MOXD1: variants seen among roughly 807,000 people sequenced by gnomAD.
The protein encoded by MOXD1 is DBH-like monooxygenase protein 1.
A neutral mutation model predicts 66.6 loss-of-function variants in MOXD1; 62 were observed. The observed-to-expected ratio is 0.93, with a 90% confidence interval of 0.76 to 1.15. The LOEUF is 1.15. MOXD1 is among the 50% of genes most tolerant of loss of function. MOXD1 has a pLI of 0.00. For missense variants in MOXD1, 847 were observed against 754.6 expected (o/e 1.12, Z -1.44); for synonymous variants, 303 against 281.9 (o/e 1.07, Z -0.75).
At chr6:132,302,933 C>A (rs550218625) in intron 10 of MOXD1, among the ~76,000 whole-genome samples, 1 of 152,126 alleles carries the variant, frequency 6.6e-6, no homozygotes, top group Non-Finnish European at 1.5e-5. Flanking sequence ...CAAAGTAATT[C>A]AATAGTAAAA....
intron 4 of MOXD1, among the ~76,000 whole-genome samples, chr6:132,342,990 A>G (rs1026302761): frequency 2.6e-5 from 4 of 152,242 alleles, no homozygotes; most frequent in African/African-American, 4.8e-5. Flanking sequence ...ACATAACTCC[A>G]CATCACAGAA....
At chr6:132,393,043 A>G (rs1776799777) in intron 1 of MOXD1, among the ~76,000 whole-genome samples, 1 of 152,212 alleles carries the variant, frequency 6.6e-6, no homozygotes. Context: ...CTACTGAAAA[A>G]TATATGGTTG....
intron 4 of MOXD1, among the ~76,000 whole-genome samples, chr6:132,340,938 G>A (rs992533799): frequency 7.9e-5 from 12 of 152,082 alleles, no homozygotes. Flanking sequence ...GAGCCACTGC[G>A]CCCGGCAAGA....
rs551939756 is a variant in MOXD1 at position 132,389,095 on chromosome 6, G to A, written c.264+12068C>T. On this transcript the variant is annotated intron_variant, in intron 1 of 11. Transcript: ENST00000367963. ...GCTCTGTTGCCCAGGCTGGAGTGCA[G>A]TGGTGCAATCATAGCTCACTACAGC... Among the ~76,000 whole-genome samples, 107 of 151,264 alleles carry A rather than the reference G, an allele frequency of 7.1e-4. 2 individuals carry two copies. The highest frequency in any genetic ancestry group is 1.3e-3 in the Non-Finnish European group (89 of 67,606).
At chr6:132,316,769 T>TTCTA (rs1424519004) in intron 9 of MOXD1, among the ~76,000 whole-genome samples, 2 of 152,124 alleles carry the variant, frequency 1.3e-5, no homozygotes, top group African/African-American at 4.8e-5. Context: ...ACATTAAATG[T>TTCTA]TCTAGCATTT....
At chr6:132,381,634 T>C (rs529907850) in intron 1 of MOXD1, among the ~76,000 whole-genome samples, 1 of 152,272 alleles carries the variant, frequency 6.6e-6, no homozygotes, top group South Asian at 2.1e-4. Context: ...AAAAAAGTGT[T>C]AAATGAATTT....
intron 4 of MOXD1, among the ~76,000 whole-genome samples, chr6:132,364,816 G>A (rs74467241): frequency 0.068 from 10,298 of 152,092 alleles, 715 homozygotes; most frequent in African/African-American, 0.18. Context: ...AGGCAAATAC[G>A]GTTATCAGCC....
intron 10 of MOXD1, among the ~76,000 whole-genome samples, chr6:132,302,498 CA>C (rs767619886): frequency 2.6e-5 from 4 of 151,686 alleles, no homozygotes; most frequent in Non-Finnish European, 5.9e-5. Context: ...ATATTATTAA[CA>C]AAACATGCGC....
intron 4 of MOXD1, among the ~76,000 whole-genome samples, chr6:132,359,562 C>T (rs1194199865): frequency 1.3e-5 from 2 of 150,174 alleles, no homozygotes; most frequent in Non-Finnish European, 3.0e-5. Context: ...TCTCGGCTCA[C>T]TGCAAGCTCC....
At chr6:132,391,906 T>C in intron 1 of MOXD1, 1 of 259,054 alleles carries the variant, frequency 3.9e-6, no homozygotes, top group Non-Finnish European at 7.3e-6. Context: ...AGCATCATCC[T>C]GTGTTCCAGC....
chr6:132,344,795 G>C (rs1775636304), intron 4 of MOXD1, among the ~76,000 whole-genome samples: 1 of 152,124 alleles, frequency 6.6e-6, no homozygotes, highest in South Asian at 2.1e-4. Context: ...GACCACCTTT[G>C]AGTTGAGAGC....
intron 1 of MOXD1, among the ~76,000 whole-genome samples, chr6:132,383,080 G>A (rs892806253): frequency 1.3e-5 from 2 of 152,148 alleles, no homozygotes; most frequent in African/African-American, 4.8e-5. Flanking sequence ...GTTACCATCT[G>A]TCATCATTTT....
intron 4 of MOXD1, among the ~76,000 whole-genome samples, chr6:132,371,631 C>T (rs1334078331): frequency 6.6e-6 from 1 of 152,110 alleles, no homozygotes; most frequent in Non-Finnish European, 1.5e-5. Flanking sequence ...TATGGCTGTC[C>T]ATCTTTTACA....
chr6:132,366,443 C>T (rs530444522), intron 4 of MOXD1, among the ~76,000 whole-genome samples: 24 of 152,192 alleles, frequency 1.6e-4, no homozygotes, highest in South Asian at 8.3e-4. Flanking sequence ...GAGAACTAGA[C>T]GGGGCAGTCT....
chr6:132,384,483 A>C (rs1484482494), intron 1 of MOXD1, among the ~76,000 whole-genome samples: 1 of 152,214 alleles, frequency 6.6e-6, no homozygotes, highest in Non-Finnish European at 1.5e-5. Context: ...ATTTCTAAAG[A>C]AACTTAAACA....
intron 6 of MOXD1, 38 bp from the exon 7 acceptor site, chr6:132,324,135 C>A: frequency 6.3e-7 from 1 of 1,575,624 alleles, no homozygotes; most frequent in South Asian, 1.2e-5. Context: ...ATTTTTGGTT[C>A]TTAAAATGTT....
chr6:132,396,250 G>A (rs1776868486), intron 1 of MOXD1, among the ~76,000 whole-genome samples: 1 of 151,936 alleles, frequency 6.6e-6, no homozygotes, highest in South Asian at 2.1e-4. Flanking sequence ...TTTGGAAACT[G>A]CACAAATACA....
In MOXD1 at chr6:132,297,263, G is replaced by A; in HGVS notation, c.1732C>T (p.Pro578Ser). The A allele has an allele frequency of 1.2e-6, 2 of 1,613,560 alleles. No homozygotes were observed. Among genetic ancestry groups the A allele is most frequent in the Non-Finnish European group, 1.7e-6 (2 of 1,179,628 alleles). The change falls in exon 12 of 12, where the codon CCT (proline) becomes TCT (serine). Residue 578 changes from proline (P) to serine (S), a missense_variant. Transcript: ENST00000367963. ...GAAGAAGACGTGCCACACACCAAAG[G>A]TTCTGCTTTATAGGGTCTTTCTATA... ...PDIERPYKAEPLVCGTSSSSS... is the reference protein window; with the variant it reads ...PDIERPYKAESLVCGTSSSSS...
At position 132,401,467 on chromosome 6, in the gene MOXD1, C is replaced by G; in HGVS notation, c.-41G>C. ...GCCCGCCGGTACCGGCCTCCAGCCG[C>G]TGGGGAGTGAGGAGCAGAACGAGGA... On this transcript the variant is annotated 5_prime_UTR_variant, in exon 1 of 12. Transcript: ENST00000367963. The G allele has an allele frequency of 1.4e-6, 2 of 1,450,894 alleles. No individual in the cohort carries two copies. The highest frequency in any genetic ancestry group is 2.9e-5 in the African/African-American group (2 of 68,092). The allele number at this position is 1,450,894 out of a possible 1,614,324, so 89.9% of individuals were successfully genotyped here. A position where few individuals can be genotyped will look rare whatever the true frequency, so the allele number is the denominator to read the frequency against.
Sources: gnomAD v4.1 joint callset for allele counts (sites outside exome capture counted in the v4.1 genomes callset) on GRCh38, gnomAD v4.1.1 for gene constraint, MANE v1.5 for transcripts, NCBI Gene and HGNC (gene_info 2026-07-23, HGNC 2026-07-21) for gene names.